The following GTF2A1 variants were observed in gnomAD, a reference collection of about 807,000 sequenced individuals.
GTF2A1 encodes general transcription factor IIA subunit 1, also known as transcription initiation factor IIA subunit 1.
In GTF2A1, 12 loss-of-function variants were observed where a neutral mutation model predicts 54.1. The observed-to-expected ratio is 0.22, with a 90% CI of 0.14 to 0.36. The LOEUF is 0.36. Ranked by LOEUF, GTF2A1 falls within the 10% of genes least tolerant of loss-of-function variation. The pLI is 1.00. For synonymous variants in GTF2A1, 145 were observed against 152.0 expected (o/e 0.95, Z 0.34); for missense variants, 335 against 442.2 (o/e 0.76, Z 2.17).
At chr14:81,217,722 G>A (rs1437080565) in intron 1 of GTF2A1, among the ~76,000 whole-genome samples, 6 of 152,126 alleles carry the variant, frequency 3.9e-5, no homozygotes, top group Non-Finnish European at 4.4e-5. Context: ...AGCCCAGGAG[G>A]GAGAGGGTGC....
rs1490005106 is a variant in GTF2A1 at position 81,216,445 on chromosome 14, C to G, written c.100G>C (p.Val34Leu). The change falls in exon 2 of 9, where the codon GTG becomes CTG. Residue 34 changes from valine (V) to leucine (L), a missense_variant. Coordinates refer to ENST00000553612, the MANE Select transcript of GTF2A1 (RefSeq NM_015859.4). The part of the protein sequence containing the change: ...DVRDIFLDDG[V>L]DEQVLMELKT... ...AGTTCCATCAGTACTTGTTCATCCA[C>G]TCCATCATCCAGAAAGATGTCTCTC... 4 of 1,514,144 alleles carry G rather than the reference C, an allele frequency of 2.6e-6. No homozygotes were observed. The South Asian group carries it at 4.5e-5, about 17-fold the overall frequency. 93.8% of individuals were successfully genotyped at this position (1,514,144 alleles called of 1,614,324 possible). A position where few individuals can be genotyped will look rare whatever the true frequency, so the allele number is the denominator to read the frequency against.
chr14:81,202,526 T>G (rs1893135617), intron 3 of GTF2A1, among the ~76,000 whole-genome samples: 1 of 152,168 alleles, frequency 6.6e-6, no homozygotes, highest in Admixed American at 6.5e-5. Flanking sequence ...CCAGGAGTTC[T>G]GGGCTGTATG....
chr14:81,202,308 T>C (rs1185410321), intron 3 of GTF2A1, among the ~76,000 whole-genome samples: 1 of 152,206 alleles, frequency 6.6e-6, no homozygotes, highest in East Asian at 1.9e-4. Flanking sequence ...ATACCACTGT[T>C]ACAATGAGTT....
rs573436808 is a variant in GTF2A1, at chr14:81,211,644, C to A, written c.132+4769G>T. Among the ~76,000 whole-genome samples the A allele has an allele frequency of 7.1e-4, 108 of 151,956 alleles. 1 individual carries two copies. In the South Asian group the frequency reaches 0.014, roughly 19 times the overall value. On this transcript the variant is annotated intron_variant, in intron 2 of 8. Transcript: ENST00000553612. The stretch of plus-strand genomic sequence containing the variant: ...TCACTGCAGCCCGTCACATCACAAG[C>A]CCAGAGGTTAGGTGGCTAAACCTGG...
At chr14:81,187,553 A>T (rs61980892) in intron 7 of GTF2A1, among the ~76,000 whole-genome samples, 1 of 152,012 alleles carries the variant, frequency 6.6e-6, no homozygotes, top group Non-Finnish European at 1.5e-5. Context: ...GCAATCTATA[A>T]TCTGCTGTCT....
At chr14:81,185,727 T>C (rs1427930265) in intron 7 of GTF2A1, 107 bp from the exon 8 acceptor site, 3 of 567,708 alleles carry the variant, frequency 5.3e-6, no homozygotes, top group East Asian at 2.9e-5. Flanking sequence ...GCCAAATGCA[T>C]ATATGTACGC....
intron 1 of GTF2A1, among the ~76,000 whole-genome samples, chr14:81,217,462 T>C (rs1260194636): frequency 6.6e-6 from 1 of 152,182 alleles, no homozygotes; most frequent in Non-Finnish European, 1.5e-5. Context: ...TGGTTATAAA[T>C]CCTCCCCATT....
At chr14:81,183,004 C>T (rs2140146027) in intron 8 of GTF2A1, among the ~76,000 whole-genome samples, 1 of 152,316 alleles carries the variant, frequency 6.6e-6, no homozygotes, top group East Asian at 1.9e-4. Flanking sequence ...GTCCTCTTTC[C>T]CTGCTCTTTA....
In GTF2A1 at chr14:81,195,962, A is replaced by C. The variant is rs1319800868; in HGVS notation, c.612+146T>G. On this transcript the variant is annotated intron_variant, in intron 6 of 8. Transcript: ENST00000553612. Reference sequence around the variant, plus strand: ...TTTAATACATGCTGAATCTAAGTTAAGCTGTATACAGGAGAAATTTGAAAC... The same window carrying C: ...TTTAATACATGCTGAATCTAAGTTACGCTGTATACAGGAGAAATTTGAAAC... 15 of 644,488 alleles carry C rather than the reference A, an allele frequency of 2.3e-5. No individual in the cohort carries two copies. In the East Asian group the frequency reaches 2.8e-4, roughly 12 times the overall value. 39.9% of individuals were successfully genotyped at this position (644,488 alleles called of 1,614,324 possible).
chr14:81,197,483 C>G lies in GTF2A1; in HGVS notation c.404G>C (p.Ser135Thr), dbSNP rs1445303604. Reference sequence around the variant, plus strand: ...TAAGGTAGCAGCTGTAGCAGCAGCACTCTGAAAAAAACAAAGAAAAAATAT... The same window carrying G: ...TAAGGTAGCAGCTGTAGCAGCAGCAGTCTGAAAAAAACAAAGAAAAAATAT... Reference protein sequence around the residue: ...LIQHMNASNMSAAATAATLAL... With the variant: ...LIQHMNASNMTAAATAATLAL... The change falls in exon 5 of 9, where the codon AGT becomes ACT. Residue 135 changes from serine to threonine, a missense_variant and splice_region_variant. Around this residue, in one of 2 missense-constraint regions of GTF2A1, gnomAD observed 306 missense variants for 360.4 expected, o/e 0.85. Coordinates refer to ENST00000553612, the MANE Select transcript of GTF2A1 (RefSeq NM_015859.4). The G allele has an allele frequency of 6.4e-7, 1 of 1,558,778 alleles. No individual in the cohort carries two copies.
At chr14:81,183,120 T>A (rs575835310) in intron 8 of GTF2A1, among the ~76,000 whole-genome samples, 37 of 152,358 alleles carry the variant, frequency 2.4e-4, no homozygotes, top group African/African-American at 8.9e-4. Context: ...CTCCCCTGAT[T>A]GGAGTAAGCT....
intron 6 of GTF2A1, among the ~76,000 whole-genome samples, chr14:81,195,135 C>CAAA (rs749038152): frequency 9.8e-5 from 6 of 61,258 alleles, no homozygotes; most frequent in African/African-American, 9.9e-5. Context: ...GACTCTGTCT[C>CAAA]AAAAAAAAAA....
Position 81,188,237 on chromosome 14 carries a change from A to T in GTF2A1, c.934-2617T>A, listed in dbSNP as rs576814133. Among the ~76,000 whole-genome samples the T allele has an allele frequency of 2.6e-5, 4 of 152,286 alleles. No individual in the cohort carries two copies. In the East Asian group the frequency reaches 7.7e-4, roughly 29 times the overall value. ...TATTCTGGATAGTAGATCCTTATCA[A>T]ATACATGATTTGCAAATATTTTCTC... On this transcript the variant is annotated intron_variant, in intron 7 of 8. Transcript: ENST00000553612.
intron 6 of GTF2A1, among the ~76,000 whole-genome samples, chr14:81,194,348 G>A (rs371904519): frequency 6.6e-6 from 1 of 152,208 alleles, no homozygotes; most frequent in East Asian, 1.9e-4. Flanking sequence ...AGTCCCTGGT[G>A]TCAAAAAGCT....
chr14:81,204,112 A>C lies in GTF2A1; in HGVS notation c.133-8T>G, dbSNP rs1048441758. On this transcript the variant is annotated splice_polypyrimidine_tract_variant and splice_region_variant and intron_variant, in intron 2 of 8. Coordinates refer to ENST00000553612, the MANE Select transcript of GTF2A1 (RefSeq NM_015859.4). Reference sequence around the variant, plus strand: ...TAGTTTGTTTTCCCATAACTAAGGCAAAGAACATTAAAGATTTCTAAGTGA... The same window carrying C: ...TAGTTTGTTTTCCCATAACTAAGGCCAAGAACATTAAAGATTTCTAAGTGA... The C allele has an allele frequency of 6.5e-7, 1 of 1,549,268 alleles. No individual in the cohort carries two copies. Among genetic ancestry groups the C allele is most frequent in the South Asian group, 1.1e-5 (1 of 89,752 alleles).
chr14:81,196,697 A>G (rs187272026), intron 5 of GTF2A1, among the ~76,000 whole-genome samples: 1 of 152,332 alleles, frequency 6.6e-6, no homozygotes, highest in East Asian at 1.9e-4. Flanking sequence ...AAAAGCAATA[A>G]AAGTTCACAG....
In GTF2A1 at chr14:81,192,579, A is replaced by G. The variant is rs778249355; in HGVS notation, c.873T>C (p.Tyr291=). The change falls in exon 7 of 9, where the codon TAT becomes TAC. Residue 291 remains tyrosine, a synonymous_variant. Coordinates refer to ENST00000553612, the MANE Select transcript of GTF2A1 (RefSeq NM_015859.4). ...SEEDEDEEED[Y]DDDEEEDKEK... ...CTTTGTCTTCCTCCTCATCATCATC[A>G]TAGTCTTCTTCTTCATCTTCATCTT... 1 of 1,613,418 alleles carries G rather than the reference A, an allele frequency of 6.2e-7. No homozygotes were observed. The highest frequency in any genetic ancestry group is 8.5e-7 in the Non-Finnish European group (1 of 1,179,358).
chr14:81,182,555 T>C (rs1892661243), intron 8 of GTF2A1, among the ~76,000 whole-genome samples: 1 of 152,208 alleles, frequency 6.6e-6, no homozygotes, highest in Non-Finnish European at 1.5e-5. Flanking sequence ...CCAACTTTAA[T>C]ACCATCACCA....
At position 81,179,572 on chromosome 14, in the gene GTF2A1, T is replaced by A. The variant is rs1035264794; in HGVS notation, c.*651A>T. On this transcript the variant is annotated 3_prime_UTR_variant, in exon 9 of 9. Transcript: ENST00000553612. ...AATAAGTATGAAAACCTAATTAAAA[T>A]AAATATTCATTCCTGGGTCAAATTT... The A allele has an allele frequency of 6.6e-6, 1 of 152,166 alleles. No homozygotes were observed. The highest frequency in any genetic ancestry group is 1.5e-5 in the Non-Finnish European group (1 of 68,012). The allele number at this position is 152,166 out of a possible 1,614,324, so 9.4% of individuals were successfully genotyped here. A position where few individuals can be genotyped will look rare whatever the true frequency, so the allele number is the denominator to read the frequency against.
Sources: allele counts gnomAD v4.1 joint callset (sites outside exome capture counted in the v4.1 genomes callset), GRCh38; gene constraint gnomAD v4.1.1; regional missense constraint gnomAD v4.1.1; transcripts MANE v1.5; gene names NCBI Gene and HGNC (gene_info 2026-07-23, HGNC 2026-07-21).